KIAA1958: variants seen among roughly 807,000 people sequenced by gnomAD.
The protein encoded by KIAA1958 is KIAA1958.
KIAA1958 carries 14 observed loss-of-function variants against 47.2 expected under a neutral mutation model. The observed-to-expected ratio is 0.30, with a 90% CI of 0.20 to 0.46. The LOEUF (loss-of-function observed/expected upper bound fraction) is 0.46. Among genes scored for constraint, KIAA1958 ranks in the 20% least tolerant of loss-of-function variants. The probability of loss-of-function intolerance (pLI) is 1.00; values close to 1 mark genes in which losing one functional copy is unlikely to be tolerated. For missense variants in KIAA1958, 803 were observed against 909.2 expected, an observed-to-expected ratio of 0.88 and a Z score of 1.50; for synonymous variants, 354 against 353.3, an observed-to-expected ratio of 1.00 and a Z score of -0.02.
At chr9:112,625,986 A>G (rs537585615) in intron 2 of KIAA1958, among the ~76,000 whole-genome samples, 21 of 152,338 alleles carry the variant, frequency 1.4e-4, no homozygotes, top group African/African-American at 4.6e-4. Context: ...GCTACATAGC[A>G]TCTATACTAC....
At chr9:112,567,874 C>T (rs1392649049) in intron 1 of KIAA1958, among the ~76,000 whole-genome samples, 4 of 138,400 alleles carry the variant, frequency 2.9e-5, no homozygotes, top group African/African-American at 1.1e-4. Context: ...AGGAGAATGG[C>T]GTGAATCTGT....
chr9:112,625,634 C>G (rs1371661307), intron 2 of KIAA1958, among the ~76,000 whole-genome samples: 1 of 152,212 alleles, frequency 6.6e-6, no homozygotes. Flanking sequence ...TATATTTCTA[C>G]TTCTTGTTTT....
In KIAA1958 at chr9:112,611,018, A is replaced by G. The variant is rs193220537; in HGVS notation, c.1172-34632A>G. Among the ~76,000 whole-genome samples the G allele has an allele frequency of 9.2e-5, 14 of 152,328 alleles. No individual in the cohort carries two copies. In the East Asian group the frequency reaches 2.7e-3, roughly 29 times the overall value. ...GAAAACCCATTTGATAAAATTTAAC[A>G]TGAATTTTTTAAGAAATGCCTTATT... On this transcript the variant is annotated intron_variant, in intron 2 of 3. Transcript: ENST00000337530.
At chr9:112,615,886 T>A (rs991528732) in intron 2 of KIAA1958, among the ~76,000 whole-genome samples, 1 of 152,246 alleles carries the variant, frequency 6.6e-6, no homozygotes, top group Admixed American at 6.5e-5. Flanking sequence ...TCAGTTTACA[T>A]CTCAGACAAG....
chr9:112,502,761 T>C (rs1023332330), intron 1 of KIAA1958, among the ~76,000 whole-genome samples: 2 of 152,238 alleles, frequency 1.3e-5, no homozygotes, highest in Non-Finnish European at 2.9e-5. Flanking sequence ...GTAGTTACGA[T>C]AGAGATCTTG....
At chr9:112,528,976 A>G (rs1217434962) in intron 1 of KIAA1958, among the ~76,000 whole-genome samples, 1 of 152,120 alleles carries the variant, frequency 6.6e-6, no homozygotes, top group African/African-American at 2.4e-5. Flanking sequence ...TTTTTTGTAC[A>G]TGGAATTATA....
At chr9:112,524,790 G>A (rs1354918867) in intron 1 of KIAA1958, among the ~76,000 whole-genome samples, 2 of 152,150 alleles carry the variant, frequency 1.3e-5, no homozygotes, top group South Asian at 2.1e-4. Flanking sequence ...AAGAGGATTA[G>A]CAAGTCTTTA....
intron 2 of KIAA1958, among the ~76,000 whole-genome samples, chr9:112,629,374 A>G (rs1053845312): frequency 2.0e-5 from 3 of 152,180 alleles, no homozygotes; most frequent in Non-Finnish European, 4.4e-5. Flanking sequence ...TTAACATGAA[A>G]AACGCACGTG....
intron 1 of KIAA1958, among the ~76,000 whole-genome samples, chr9:112,571,459 C>G (rs1055744931): frequency 6.6e-6 from 1 of 152,120 alleles, no homozygotes; most frequent in Non-Finnish European, 1.5e-5. Context: ...TGATGCGAAC[C>G]CCTTCCATTT....
intron 1 of KIAA1958, among the ~76,000 whole-genome samples, chr9:112,573,376 C>T (rs1482358470): frequency 6.6e-6 from 1 of 152,172 alleles, no homozygotes; most frequent in African/African-American, 2.4e-5. Context: ...GGGCCTCCCG[C>T]TTCCCCATCC....
intron 1 of KIAA1958, among the ~76,000 whole-genome samples, chr9:112,563,330 C>T (rs1460442818): frequency 2.0e-5 from 3 of 152,006 alleles, no homozygotes; most frequent in African/African-American, 7.2e-5. Flanking sequence ...AATTGCAAAC[C>T]TAATGATTTT....
At chr9:112,505,032 T>G (rs930046757) in intron 1 of KIAA1958, among the ~76,000 whole-genome samples, 1 of 152,170 alleles carries the variant, frequency 6.6e-6, no homozygotes, top group African/African-American at 2.4e-5. Context: ...ATCTTCATCC[T>G]CCCCTTGGTC....
At chr9:112,638,120 G>C (rs1414985283) in intron 2 of KIAA1958, among the ~76,000 whole-genome samples, 1 of 152,140 alleles carries the variant, frequency 6.6e-6, no homozygotes, top group Non-Finnish European at 1.5e-5. Flanking sequence ...CTGCACTCCA[G>C]CCTGGGCAAC....
chr9:112,496,031 C>T (rs946951489), intron 1 of KIAA1958, among the ~76,000 whole-genome samples: 3 of 152,154 alleles, frequency 2.0e-5, no homozygotes, highest in Non-Finnish European at 4.4e-5. Flanking sequence ...GCTGACCTTC[C>T]TTCCAGCTAA....
chr9:112,519,278 A>T (rs903522830), intron 1 of KIAA1958, among the ~76,000 whole-genome samples: 4 of 152,114 alleles, frequency 2.6e-5, no homozygotes, highest in Admixed American at 2.6e-4. Flanking sequence ...GCTCTATGAA[A>T]CATGTGTTTT....
intron 3 of KIAA1958, among the ~76,000 whole-genome samples, chr9:112,647,778 G>A (rs918890261): frequency 6.6e-6 from 1 of 152,224 alleles, no homozygotes; most frequent in Non-Finnish European, 1.5e-5. Flanking sequence ...AGTGAGAGGA[G>A]CGCTGTCATC....
At chr9:112,508,195 G>C (rs546652877) in intron 1 of KIAA1958, among the ~76,000 whole-genome samples, 1 of 151,786 alleles carries the variant, frequency 6.6e-6, no homozygotes, top group Non-Finnish European at 1.5e-5. Flanking sequence ...GAGCTTCCAG[G>C]GAAAATTTAC....
intron 1 of KIAA1958, among the ~76,000 whole-genome samples, chr9:112,522,807 T>G (rs928379023): frequency 2.0e-5 from 3 of 152,202 alleles, no homozygotes; most frequent in Non-Finnish European, 4.4e-5. Context: ...AGGTCTCAGC[T>G]CAGTCCCCAG....
intron 2 of KIAA1958, among the ~76,000 whole-genome samples, chr9:112,622,391 T>C (rs1836524360): frequency 1.3e-5 from 2 of 152,262 alleles, no homozygotes; most frequent in Admixed American, 1.3e-4. Context: ...CACTGAACAC[T>C]GTCAGCATTT....
Sources: gnomAD v4.1 joint callset for allele counts (sites outside exome capture counted in the v4.1 genomes callset) on GRCh38, gnomAD v4.1.1 for gene constraint, MANE v1.5 for transcripts, NCBI Gene and HGNC (gene_info 2026-07-23, HGNC 2026-07-21) for gene names.